The following SNX29 variants were observed in gnomAD, a reference collection of about 807,000 sequenced individuals.
SNX29 encodes sorting nexin 29, also known as sorting nexin-29.
In SNX29, 78 loss-of-function variants were observed where a neutral mutation model predicts 102.1. The ratio of observed to expected loss-of-function variants is 0.76; its 90% CI spans 0.64 to 0.92. The LOEUF is 0.92. Among genes scored for constraint, SNX29 ranks in the 40% least tolerant of loss-of-function variants. The pLI is 0.00. For missense variants in SNX29, 1,280 were observed against 1,061.7 expected (o/e 1.21, Z -2.86); for synonymous variants, 580 against 414.5 (o/e 1.40, Z -4.85).
At chr16:12,149,497 A>T (rs951411982) in intron 13 of SNX29, among the ~76,000 whole-genome samples, 17 of 152,272 alleles carry the variant, frequency 1.1e-4, no homozygotes, top group African/African-American at 4.1e-4. Context: ...GTCATGAGGG[A>T]GTATATGCTC....
At chr16:12,528,828 A>G (rs1437802607) in intron 20 of SNX29, among the ~76,000 whole-genome samples, 1 of 152,228 alleles carries the variant, frequency 6.6e-6, no homozygotes, top group Non-Finnish European at 1.5e-5. Flanking sequence ...GCCACTGATC[A>G]GCTTCAGGAA....
intron 16 of SNX29, among the ~76,000 whole-genome samples, chr16:12,365,412 G>T (rs1384741327): frequency 6.6e-5 from 10 of 151,726 alleles, no homozygotes; most frequent in Admixed American, 6.6e-4. Context: ...TTCGGAGGCC[G>T]GGCGTGGTGG....
intron 13 of SNX29, among the ~76,000 whole-genome samples, chr16:12,138,416 T>C (rs2054742577): frequency 6.6e-6 from 1 of 151,882 alleles, no homozygotes; most frequent in African/African-American, 2.4e-5. Flanking sequence ...CCATGTTGTC[T>C]AGGCTGGTCT....
chr16:12,269,446 CATT>C (rs1449059623), intron 14 of SNX29, among the ~76,000 whole-genome samples: 1 of 152,134 alleles, frequency 6.6e-6, no homozygotes, highest in African/African-American at 2.4e-5. Flanking sequence ...GAAGCAGTAT[CATT>C]ATTTTGATTT....
intron 14 of SNX29, among the ~76,000 whole-genome samples, chr16:12,232,940 C>T (rs189973392): frequency 3.3e-5 from 5 of 152,320 alleles, no homozygotes; most frequent in Admixed American, 2.6e-4. Flanking sequence ...GTGGTCCACC[C>T]GGAACTTGTC....
At chr16:12,557,888 A>C (rs568064049) in intron 20 of SNX29, among the ~76,000 whole-genome samples, 1 of 152,184 alleles carries the variant, frequency 6.6e-6, no homozygotes, top group Non-Finnish European at 1.5e-5. Context: ...GGGCCTCTGC[A>C]GGCAACTGGA....
chr16:11,982,423 G>GTTTTTTTTTTTTTTT (rs60761477), intron 1 of SNX29, among the ~76,000 whole-genome samples: 4 of 120,356 alleles, frequency 3.3e-5, no homozygotes, highest in African/African-American at 9.1e-5. Flanking sequence ...CTTTCCATCA[G>GTTTTTTTTTTTTTTT]TTTTTTTTTT....
chr16:12,545,879 G>C lies in SNX29; in HGVS notation c.2318+21038G>C, dbSNP rs62028161. ...CCTTGAGAGGGTGAGCCTAAGCCGT[G>C]GGCATTGGGGTGGGGTACCTGGAGC... On this transcript the variant is annotated intron_variant, in intron 20 of 20. Coordinates refer to ENST00000566228, the MANE Select transcript of SNX29 (RefSeq NM_032167.5). Among the ~76,000 whole-genome samples the C allele has an allele frequency of 2.7e-3, 409 of 152,252 alleles. 1 individual carries two copies. Among genetic ancestry groups the C allele is most frequent in the Non-Finnish European group, 4.2e-3 (287 of 68,018 alleles).
chr16:12,050,957 G>A (rs966044905), intron 7 of SNX29, among the ~76,000 whole-genome samples: 2 of 152,072 alleles, frequency 1.3e-5, no homozygotes, highest in Admixed American at 1.3e-4. Context: ...CTGACCTCAG[G>A]TGATCCACCC....
chr16:12,466,529 G>A (rs894489315), intron 18 of SNX29, among the ~76,000 whole-genome samples: 4 of 152,152 alleles, frequency 2.6e-5, no homozygotes, highest in African/African-American at 4.8e-5. Context: ...GTCAGATGTG[G>A]CACCCCCCCT....
chr16:12,279,280 C>G (rs1168457698), intron 15 of SNX29, among the ~76,000 whole-genome samples: 1 of 152,208 alleles, frequency 6.6e-6, no homozygotes, highest in African/African-American at 2.4e-5. Flanking sequence ...GAGGGTGTTC[C>G]CCTAAGTTCA....
At chr16:12,391,841 T>C (rs546811600) in intron 16 of SNX29, among the ~76,000 whole-genome samples, 1 of 152,344 alleles carries the variant, frequency 6.6e-6, no homozygotes, top group East Asian at 1.9e-4. Context: ...CTTTCCACCA[T>C]AGACATGATA....
chr16:12,135,015 A>G (rs2054609336), intron 13 of SNX29, among the ~76,000 whole-genome samples: 1 of 152,150 alleles, frequency 6.6e-6, no homozygotes, highest in Non-Finnish European at 1.5e-5. Flanking sequence ...TTCCAGTCTG[A>G]GTCTGAAGGC....
In SNX29 at chr16:12,557,023, C is replaced by CCG. The variant is rs768415131; in HGVS notation, c.2319-11482_2319-11481insGC. Among the ~76,000 whole-genome samples the CCG allele has an allele frequency of 5.6e-4, 68 of 120,906 alleles. 4 individuals carry two copies. The highest frequency in any genetic ancestry group is 2.1e-3 in the African/African-American group (68 of 33,090). 79.3% of individuals were successfully genotyped at this position (120,906 alleles called of 152,430 possible). A position where few individuals can be genotyped will look rare whatever the true frequency, so the allele number is the denominator to read the frequency against. On this transcript the variant is annotated intron_variant, in intron 20 of 20. Coordinates refer to ENST00000566228, the MANE Select transcript of SNX29 (RefSeq NM_032167.5). ...CCACATCTGGCTAATTTACCCCCCC[C>CCG]CCGCCCCAAGATGAGGTCTTGCTAT...
At chr16:12,015,836 C>T (rs1176738946) in intron 3 of SNX29, among the ~76,000 whole-genome samples, 2 of 151,474 alleles carry the variant, frequency 1.3e-5, no homozygotes, top group South Asian at 2.1e-4. Context: ...TGTGCCCAGC[C>T]TCCAAGTTAT....
intron 14 of SNX29, among the ~76,000 whole-genome samples, chr16:12,209,999 C>T (rs1331096454): frequency 1.3e-5 from 2 of 152,180 alleles, no homozygotes; most frequent in Admixed American, 6.5e-5. Flanking sequence ...TGTCTGTGTG[C>T]ACGTGGAACC....
intron 11 of SNX29, among the ~76,000 whole-genome samples, chr16:12,111,060 C>G (rs1023891870): frequency 3.3e-5 from 5 of 152,116 alleles, no homozygotes; most frequent in Non-Finnish European, 7.4e-5. Flanking sequence ...GATCCTCCCA[C>G]CTTGGCTTCT....
At chr16:12,083,025 C>T (rs193252558) in intron 11 of SNX29, among the ~76,000 whole-genome samples, 11 of 152,110 alleles carry the variant, frequency 7.2e-5, no homozygotes, top group Admixed American at 3.3e-4. Context: ...TTTTCTCGGC[C>T]GGGCACGGTG....
chr16:12,483,123 T>TTTTTTG (rs2088039893), intron 19 of SNX29, among the ~76,000 whole-genome samples: 1 of 109,264 alleles, frequency 9.2e-6, no homozygotes, highest in Non-Finnish European at 1.8e-5. Flanking sequence ...AGTTTTTTTT[T>TTTTTTG]TTTTTTTTTT....
Sources: gnomAD v4.1 joint callset for allele counts (sites outside exome capture counted in the v4.1 genomes callset) on GRCh38, gnomAD v4.1.1 for gene constraint, MANE v1.5 for transcripts, NCBI Gene and HGNC (gene_info 2026-07-23, HGNC 2026-07-21) for gene names.